Variants in EFCAB6 observed in about 807,000 individuals in gnomAD.
The protein encoded by EFCAB6 is EF-hand calcium binding domain 6.
In EFCAB6, 156 loss-of-function variants were observed where a neutral mutation model predicts 169.8. The ratio of observed to expected loss-of-function variants is 0.92; its 90% CI spans 0.81 to 1.05. The LOEUF is 1.05. Ranked by LOEUF, EFCAB6 falls within the 50% of genes least tolerant of loss-of-function variation. The pLI, the probability that EFCAB6 is intolerant of heterozygous loss-of-function variation, is 0.00. For synonymous variants in EFCAB6, 698 were observed against 676.4 expected (o/e 1.03, Z -0.50); for missense variants, 1,800 against 1,829.1 (o/e 0.98, Z 0.29).
rs1470666427 is a variant in EFCAB6 at position 43,784,535 on chromosome 22, G to GTATATATACACA, written c.-7-2211_-7-2210insTGTGTATATATA. Among the ~76,000 whole-genome samples, 4 of 100,662 alleles carry GTATATATACACA rather than the reference G, an allele frequency of 4.0e-5. 1 individual carries two copies. The highest frequency in any genetic ancestry group is 7.8e-5 in the Non-Finnish European group (4 of 51,206). 66.0% of individuals were successfully genotyped at this position (100,662 alleles called of 152,430 possible). On this transcript the variant is annotated intron_variant, in intron 2 of 31. Coordinates refer to ENST00000262726, the MANE Select transcript of EFCAB6 (RefSeq NM_022785.4). ...TATGTGTGTGTGTGTGTGTGTGTGT[G>GTATATATACACA]TGTGTGTGTATATGTATATATACAC...
intron 4 of EFCAB6, among the ~76,000 whole-genome samples, chr22:43,766,794 G>C (rs5764279): frequency 0.34 from 52,403 of 152,070 alleles, 9,981 homozygotes; most frequent in East Asian, 0.74. Context: ...AATTATAGGC[G>C]TGAGCCAATG....
At chr22:43,564,459 GAA>G (rs111587042) in intron 26 of EFCAB6, among the ~76,000 whole-genome samples, 1 of 139,418 alleles carries the variant, frequency 7.2e-6, no homozygotes. Context: ...GAAAAAAAAA[GAA>G]AAAAAAAAAA....
At chr22:43,630,627 C>G (rs1472982858) in intron 19 of EFCAB6, among the ~76,000 whole-genome samples, 1 of 152,162 alleles carries the variant, frequency 6.6e-6, no homozygotes, top group Non-Finnish European at 1.5e-5. Context: ...TTAGGGTGCC[C>G]GTGGAGGCCC....
At chr22:43,661,870 A>C (rs1007964950) in intron 17 of EFCAB6, among the ~76,000 whole-genome samples, 1 of 152,256 alleles carries the variant, frequency 6.6e-6, no homozygotes, top group East Asian at 1.9e-4. Flanking sequence ...TAATCCCAGC[A>C]CTCTGGGAGG....
Position 43,665,944 on chromosome 22 carries a change from C to T in EFCAB6, c.1983+1160G>A, listed in dbSNP as rs548945838. Among the ~76,000 whole-genome samples, 7 of 152,302 alleles carry T rather than the reference C, an allele frequency of 4.6e-5. 1 individual carries two copies. In the South Asian group the frequency reaches 1.4e-3, roughly 32 times the overall value. ...CTGGGATTACAGGCGTGCGTGACCA[C>T]ACCTGGCTAATTTTCGTATTTTTAG... is the stretch of plus-strand genomic sequence containing the variant. On this transcript the variant is annotated intron_variant, in intron 17 of 31. Coordinates refer to ENST00000262726, the MANE Select transcript of EFCAB6 (RefSeq NM_022785.4).
intron 10 of EFCAB6, among the ~76,000 whole-genome samples, chr22:43,704,352 C>G (rs2058876649): frequency 1.3e-5 from 2 of 152,196 alleles, no homozygotes; most frequent in South Asian, 4.2e-4. Context: ...AGGCCTGCCT[C>G]ACAGGAATTG....
intron 8 of EFCAB6, among the ~76,000 whole-genome samples, chr22:43,720,399 C>T (rs1230030468): frequency 6.6e-6 from 1 of 151,714 alleles, no homozygotes; most frequent in Non-Finnish European, 1.5e-5. Context: ...GTGGTCCAAG[C>T]TACTCGGGAG....
chr22:43,730,265 A>T (rs867057261), intron 8 of EFCAB6, among the ~76,000 whole-genome samples: 1 of 23,270 alleles, frequency 4.3e-5, no homozygotes, highest in Admixed American at 4.2e-4. Flanking sequence ...GAGGAAAGGG[A>T]GCGAGGGAGG....
chr22:43,588,537 A>C (rs2051233142), intron 24 of EFCAB6, among the ~76,000 whole-genome samples: 1 of 152,200 alleles, frequency 6.6e-6, no homozygotes, highest in Non-Finnish European at 1.5e-5. Flanking sequence ...AGAAGGTAGA[A>C]AAAGAGAAAG....
At chr22:43,762,922 CT>C (rs1170018599) in intron 5 of EFCAB6, among the ~76,000 whole-genome samples, 1 of 152,198 alleles carries the variant, frequency 6.6e-6, no homozygotes, top group Non-Finnish European at 1.5e-5. Context: ...AACTGTCATT[CT>C]TTTGAAAGAG....
chr22:43,681,313 G>C (rs1272764886), intron 12 of EFCAB6, among the ~76,000 whole-genome samples: 1 of 152,196 alleles, frequency 6.6e-6, no homozygotes, highest in South Asian at 2.1e-4. Context: ...ATCCCATGTG[G>C]TCACAGCACT....
chr22:43,570,149 T>C (rs2049755954), intron 26 of EFCAB6: 1 of 152,230 alleles, frequency 6.6e-6, no homozygotes, highest in Non-Finnish European at 1.5e-5. Flanking sequence ...ATCTTCAAGT[T>C]ATTTAACATA....
chr22:43,738,049 C>T (rs1361369939), intron 6 of EFCAB6, among the ~76,000 whole-genome samples: 1 of 151,370 alleles, frequency 6.6e-6, no homozygotes, highest in Admixed American at 6.6e-5. Context: ...CTCACACATT[C>T]ACACCATCAC....
At chr22:43,658,531 C>T (rs75077846) in intron 17 of EFCAB6, among the ~76,000 whole-genome samples, 1,567 of 152,262 alleles carry the variant, frequency 0.01, 31 homozygotes, top group African/African-American at 0.036. Context: ...TGGAAGCCCC[C>T]ACACTTTCGT....
At chr22:43,720,734 GA>G (rs913976516) in intron 8 of EFCAB6, among the ~76,000 whole-genome samples, 3 of 151,236 alleles carry the variant, frequency 2.0e-5, no homozygotes, top group East Asian at 1.9e-4. Flanking sequence ...AAGAGAGGGG[GA>G]AAAAAGATCC....
At chr22:43,703,119 C>G (rs1251382187) in intron 10 of EFCAB6, among the ~76,000 whole-genome samples, 3 of 152,174 alleles carry the variant, frequency 2.0e-5, no homozygotes, top group Non-Finnish European at 4.4e-5. Flanking sequence ...AACTGTTGAA[C>G]TGAAATAGCA....
At chr22:43,799,613 A>T (rs1240939972) in intron 2 of EFCAB6, among the ~76,000 whole-genome samples, 1 of 152,212 alleles carries the variant, frequency 6.6e-6, no homozygotes, top group Non-Finnish European at 1.5e-5. Context: ...CTTTATGTGA[A>T]TCTAAAATTA....
Position 43,673,511 on chromosome 22 carries a change from C to T in EFCAB6, c.1420-1206G>A, listed in dbSNP as rs191832697. Among the ~76,000 whole-genome samples, 66 of 152,254 alleles carry T rather than the reference C, an allele frequency of 4.3e-4. 1 individual carries two copies. In the Middle Eastern group the frequency reaches 0.02, roughly 47 times the overall value. On this transcript the variant is annotated intron_variant, in intron 13 of 31. Coordinates refer to ENST00000262726, the MANE Select transcript of EFCAB6 (RefSeq NM_022785.4). The stretch of plus-strand genomic sequence containing the variant: ...AGATAGCAGGCCAGGCACAGTGGCT[C>T]AAGCCTGTAATCCCAACACTTTGGG...
chr22:43,539,215 A>T (rs967311585), intron 28 of EFCAB6, among the ~76,000 whole-genome samples: 1 of 152,206 alleles, frequency 6.6e-6, no homozygotes, highest in African/African-American at 2.4e-5. Flanking sequence ...GCCATGTAAG[A>T]CAACATAGTC....
Sources: allele counts gnomAD v4.1 joint callset (sites outside exome capture counted in the v4.1 genomes callset), GRCh38; gene constraint gnomAD v4.1.1; transcripts MANE v1.5; gene names NCBI Gene and HGNC (gene_info 2026-07-23, HGNC 2026-07-21).